The following BTD variants were observed in gnomAD, a reference collection of about 807,000 sequenced individuals.
BTD encodes the protein biotinidase, also known as biocytinase.
BTD carries 13 observed loss-of-function variants against 17.7 expected under a neutral mutation model. That is an observed-to-expected ratio of 0.74 (90% CI 0.48 to 1.17). BTD has a LOEUF of 1.17. Among genes scored for constraint, BTD ranks in the 50% most tolerant of loss-of-function variants. BTD has a pLI of 0.00. For synonymous variants in BTD, 240 were observed against 245.2 expected, an observed-to-expected ratio of 0.98 and a Z score of 0.20; for missense variants, 674 against 650.4, an observed-to-expected ratio of 1.04 and a Z score of -0.39.
chr3:15,634,178 A>G (rs557693811), intron 1 of BTD, among the ~76,000 whole-genome samples: 1 of 152,354 alleles, frequency 6.6e-6, no homozygotes, highest in African/African-American at 2.4e-5. Context: ...GGAACTTTTG[A>G]TAAAAAATAA....
chr3:15,687,020 T>C (rs1352161227), intron 3 of BTD, among the ~76,000 whole-genome samples: 1 of 151,684 alleles, frequency 6.6e-6, no homozygotes, highest in Non-Finnish European at 1.5e-5. Context: ...CTTGGCTCAC[T>C]GCAACTTCCG....
downstream of BTD, among the ~76,000 whole-genome samples, chr3:15,716,234 G>A (rs1040400876): frequency 8.6e-5 from 13 of 150,592 alleles, no homozygotes; most frequent in African/African-American, 2.9e-4. Context: ...CACCCGCCTC[G>A]GCCTCCCAAA....
intron 3 of BTD, chr3:15,670,152 T>G: frequency 2.6e-6 from 3 of 1,145,120 alleles, no homozygotes; most frequent in East Asian, 2.6e-5. Flanking sequence ...CTCTTAACAT[T>G]GGCTCACTGT....
In BTD at chr3:15,651,047, C is replaced by T. The variant is rs940256644; in HGVS notation, c.*5559C>T. 3.3e-5 allele frequency among the ~76,000 whole-genome samples: 5 copies of T among 152,186 alleles called. No homozygotes were observed. The highest frequency in any genetic ancestry group is 6.5e-5 in the Admixed American group (1 of 15,290). ...CCTCCCAAAGTGCTGGGATTACAGG[C>T]GTGAGCCACCGTACCCGGCCAGGGC... On this transcript the variant is annotated 3_prime_UTR_variant, in exon 4 of 4. Coordinates refer to ENST00000643237, the MANE Select transcript of BTD (RefSeq NM_001370658.1).
rs887304905 is a variant in BTD, at chr3:15,650,529, C to G, written c.*5041C>G. ...CTGAATCTAGGGGCTCAAATGGTGT[C>G]TCTGGACACAGTATCACACTCTACT... On this transcript the variant is annotated 3_prime_UTR_variant, in exon 4 of 4. Transcript: ENST00000643237. 1.3e-5 allele frequency among the ~76,000 whole-genome samples: 2 copies of G among 152,034 alleles called. No individual in the cohort carries two copies. Among genetic ancestry groups the G allele is most frequent in the Non-Finnish European group, 2.9e-5 (2 of 68,008 alleles).
intron 1 of BTD, among the ~76,000 whole-genome samples, chr3:15,626,795 AG>A (rs199632253): frequency 0.023 from 3,319 of 142,458 alleles, 199 homozygotes; most frequent in East Asian, 0.087. Context: ...AAAAAAAAAA[AG>A]AAAAGAAAAG....
intron 3 of BTD, chr3:15,709,731 A>G (rs1246862475): frequency 7.7e-6 from 12 of 1,562,390 alleles, no homozygotes; most frequent in African/African-American, 1.4e-5. Context: ...TAGGCACTCC[A>G]AATTCCTATT....
downstream of BTD, among the ~76,000 whole-genome samples, chr3:15,716,281 C>CTT (rs373633047): frequency 3.4e-4 from 39 of 113,642 alleles, no homozygotes; most frequent in African/African-American, 9.0e-4. Context: ...CGCACCTGGA[C>CTT]TTTTTTTTTT....
At chr3:15,601,989 G>A in intron 1 of BTD, 95 bp downstream of exon 1, 1 of 1,561,790 alleles carries the variant, frequency 6.4e-7, no homozygotes, top group African/African-American at 1.4e-5. Context: ...GGGGAGGGCT[G>A]CGCAAAGGCT....
chr3:15,642,131 C>T, intron 3 of BTD, 74 bp downstream of exon 3: 2 of 1,590,072 alleles, frequency 1.3e-6, no homozygotes, highest in Non-Finnish European at 1.7e-6. Context: ...GAAGCTGTGA[C>T]ATGTTAACTA....
intron 3 of BTD, among the ~76,000 whole-genome samples, chr3:15,701,248 A>G (rs2070556989): frequency 6.6e-6 from 1 of 152,254 alleles, no homozygotes; most frequent in African/African-American, 2.4e-5. Context: ...TACTTTCAGA[A>G]TCTTCATTGT....
intron 1 of BTD, among the ~76,000 whole-genome samples, chr3:15,618,896 A>G (rs910840221): frequency 6.6e-5 from 10 of 152,258 alleles, no homozygotes; most frequent in African/African-American, 2.4e-4. Context: ...TGATGTTTGC[A>G]TATGAACCTT....
At chr3:15,713,070 G>C (rs369605144), downstream of BTD, among the ~76,000 whole-genome samples, 1 of 152,172 alleles carries the variant, frequency 6.6e-6, no homozygotes, top group South Asian at 2.1e-4. Context: ...ATAAATACAA[G>C]CAAACTGTTC....
chr3:15,636,260 A>C (rs867946811), intron 2 of BTD, among the ~76,000 whole-genome samples: 1 of 152,174 alleles, frequency 6.6e-6, no homozygotes, highest in Non-Finnish European at 1.5e-5. Flanking sequence ...TGCTCCCTTC[A>C]GACTGTTTGA....
intron 3 of BTD, among the ~76,000 whole-genome samples, chr3:15,642,518 G>T (rs182682131): frequency 6.7e-6 from 1 of 148,616 alleles, no homozygotes; most frequent in African/African-American, 2.5e-5. Flanking sequence ...GCAGTGGCGC[G>T]ATCTCAGCTC....
chr3:15,690,170 T>C (rs764156429), intron 3 of BTD: 1 of 1,608,848 alleles, frequency 6.2e-7, no homozygotes, highest in Non-Finnish European at 8.5e-7. Context: ...CATCAAGATC[T>C]AACAAAGACT....
chr3:15,685,110 G>A (rs2067960713), intron 3 of BTD: 5 of 1,016,590 alleles, frequency 4.9e-6, no homozygotes, highest in East Asian at 2.4e-5. Context: ...AGCCTATACA[G>A]TAGATTATTC....
intron 3 of BTD, chr3:15,676,537 ATC>A (rs2066955530): frequency 6.2e-6 from 1 of 160,944 alleles, no homozygotes; most frequent in South Asian, 1.8e-4. Flanking sequence ...CTGATGTAAG[ATC>A]TCTGTCAGTC....
At chr3:15,657,528 C>G (rs1250328938), downstream of BTD, among the ~76,000 whole-genome samples, 5 of 152,162 alleles carry the variant, frequency 3.3e-5, no homozygotes. Context: ...TGAACATAAG[C>G]AGTTTGTACA....
Sources: gnomAD v4.1 joint callset for allele counts (sites outside exome capture counted in the v4.1 genomes callset) on GRCh38, gnomAD v4.1.1 for gene constraint, MANE v1.5 for transcripts, NCBI Gene and HGNC (gene_info 2026-07-23, HGNC 2026-07-21) for gene names.